Variants in NPEPPS observed in about 807,000 individuals in gnomAD.
The protein encoded by NPEPPS is puromycin-sensitive aminopeptidase.
Under a neutral mutation model 115.5 loss-of-function variants are expected in NPEPPS, and 14 were observed. The ratio of observed to expected loss-of-function variants is 0.12; its 90% CI spans 0.08 to 0.19. The LOEUF is 0.19. NPEPPS is among the 10% of genes least tolerant of loss of function. NPEPPS has a pLI of 1.00. For missense variants in NPEPPS, 523 were observed against 1,110.8 expected (o/e 0.47, Z 7.52); for synonymous variants, 285 against 390.6 (o/e 0.73, Z 3.19).
intron 12 of NPEPPS, 197 bp downstream of exon 12, chr17:47,592,742 TTTTTC>T (rs1912586849): frequency 1.9e-6 from 1 of 513,408 alleles, no homozygotes; most frequent in African/African-American, 1.9e-5. Flanking sequence ...AATCTGAAAC[TTTTTC>T]TTTCCTTTCT....
At position 47,569,355 on chromosome 17, in the gene NPEPPS, A is replaced by G. The variant is rs945344907; in HGVS notation, c.341-62A>G. 6.3e-5 allele frequency: 65 copies of G among 1,027,488 alleles called. No individual in the cohort carries two copies. The African/African-American group carries it at 9.6e-4, about 15-fold the overall frequency. The allele number at this position is 1,027,488 out of a possible 1,614,324, so 63.6% of individuals were successfully genotyped here. On this transcript the variant is annotated intron_variant, in intron 2 of 22. Transcript: ENST00000322157. Reference sequence around the variant, plus strand: ...GAGATTTTGCTCTTGAAAATGTTGCAGTCTTGATTTCGTCTTGTCAGTCCA... The same window carrying G: ...GAGATTTTGCTCTTGAAAATGTTGCGGTCTTGATTTCGTCTTGTCAGTCCA...
At chr17:47,558,124 T>C (rs1423755016) in intron 2 of NPEPPS, among the ~76,000 whole-genome samples, 3 of 151,952 alleles carry the variant, frequency 2.0e-5, no homozygotes, top group Non-Finnish European at 4.4e-5. Flanking sequence ...TATTAATTAA[T>C]TAATTTTTAT....
At chr17:47,544,236 C>G (rs1415017079) in intron 1 of NPEPPS, among the ~76,000 whole-genome samples, 2 of 152,028 alleles carry the variant, frequency 1.3e-5, no homozygotes, top group African/African-American at 4.8e-5. Flanking sequence ...TCTCTACTCT[C>G]TATGTCAGCC....
intron 2 of NPEPPS, among the ~76,000 whole-genome samples, chr17:47,553,541 A>G (rs550219074): frequency 6.6e-6 from 1 of 152,290 alleles, no homozygotes; most frequent in Admixed American, 6.5e-5. Flanking sequence ...CTCCTTATCT[A>G]TGGCAGATGT....
intron 15 of NPEPPS, 178 bp from the exon 16 acceptor site, chr17:47,603,737 T>A: frequency 2.1e-6 from 1 of 467,930 alleles, no homozygotes; most frequent in Non-Finnish European, 3.7e-6. Context: ...TTTTCTTTTG[T>A]CTGTGCATTC....
intron 3 of NPEPPS, among the ~76,000 whole-genome samples, chr17:47,575,667 C>T (rs576379342): frequency 1.4e-4 from 21 of 151,008 alleles, no homozygotes; most frequent in South Asian, 2.1e-4. Flanking sequence ...TGCAGTGGCG[C>T]GATCTCAGCT....
chr17:47,619,564 A>AT (rs1436159210), intron 21 of NPEPPS, 173 bp from the exon 22 acceptor site: 1 of 624,102 alleles, frequency 1.6e-6, no homozygotes, highest in Non-Finnish European at 2.8e-6. Flanking sequence ...CAAAAAAAAA[A>AT]AAGTTTCCTT....
At chr17:47,614,054 T>C (rs1346694100) in intron 19 of NPEPPS, among the ~76,000 whole-genome samples, 1 of 151,902 alleles carries the variant, frequency 6.6e-6, no homozygotes, top group African/African-American at 2.4e-5. Context: ...CACTGCAGCA[T>C]CAACCTCCCA....
rs753721946 is a variant in NPEPPS at position 47,605,375 on chromosome 17, A to G, written c.1918A>G (p.Met640Val). The change falls in exon 17 of 23, where the codon ATG (methionine) becomes GTG (valine). Residue 640 changes from methionine (M) to valine (V), a missense_variant. Physicochemically the swap from Met to Val is conservative, Grantham distance 21. Around this residue, in one of 4 missense-constraint regions of NPEPPS, gnomAD observed 372 missense variants for 542.6 expected, o/e 0.69. Coordinates refer to ENST00000322157, the MANE Select transcript of NPEPPS (RefSeq NM_006310.4). Reference protein sequence around the residue: ...IISTVEVLKVMEAFVNEPNYT... With the variant: ...IISTVEVLKVVEAFVNEPNYT... ...TAGCACTGTAGAGGTTCTAAAAGTC[A>G]TGGAGGCTTTTGTGAATGAGCCCAA... 2 of 1,611,548 alleles carry G rather than the reference A, an allele frequency of 1.2e-6. No homozygotes were observed. Among genetic ancestry groups the G allele is most frequent in the Non-Finnish European group, 1.7e-6 (2 of 1,178,870 alleles).
chr17:47,538,526 C>CTTTTT (rs1029993473), intron 1 of NPEPPS, among the ~76,000 whole-genome samples: 16 of 104,400 alleles, frequency 1.5e-4, no homozygotes, highest in African/African-American at 2.3e-4. Context: ...TATCTGTTTT[C>CTTTTT]TTTTTTTTTT....
At position 47,569,501 on chromosome 17, in the gene NPEPPS, G is replaced by A. The variant is rs1304263156; in HGVS notation, c.418+7G>A. ...CCTAGTACTCTGCAAACAGGTAAGAGACATAGCTTTTGTAAAATCTCGTGA... is the reference window on the plus strand; with the variant it reads ...CCTAGTACTCTGCAAACAGGTAAGAAACATAGCTTTTGTAAAATCTCGTGA... On this transcript the variant is annotated splice_region_variant and intron_variant, in intron 3 of 22. Transcript: ENST00000322157. 1 of 1,257,140 alleles carries A rather than the reference G, an allele frequency of 8.0e-7. No homozygotes were observed. The allele number at this position is 1,257,140 out of a possible 1,614,324, so 77.9% of individuals were successfully genotyped here.
chr17:47,535,534 A>G (rs1403616862), intron 1 of NPEPPS, among the ~76,000 whole-genome samples: 1 of 138,800 alleles, frequency 7.2e-6, no homozygotes, highest in Non-Finnish European at 1.5e-5. Flanking sequence ...TGGGTGACAG[A>G]GCGAGGCTCC....
At chr17:47,603,243 C>A (rs138748282) in intron 15 of NPEPPS, among the ~76,000 whole-genome samples, 6,722 of 152,110 alleles carry the variant, frequency 0.044, 216 homozygotes, top group Middle Eastern at 0.16. Context: ...GAAACCCTGT[C>A]TCTCCTAAAA....
intron 12 of NPEPPS, chr17:47,592,816 C>G (rs1912593590): frequency 9.1e-6 from 3 of 328,864 alleles, no homozygotes; most frequent in Non-Finnish European, 1.8e-5. Context: ...TTTGTTACGT[C>G]AGTATACATG....
chr17:47,579,678 G>A (rs1407003469), intron 4 of NPEPPS, 167 bp downstream of exon 4: 16 of 517,182 alleles, frequency 3.1e-5, no homozygotes, highest in South Asian at 2.8e-4. Flanking sequence ...TCTATAGAAA[G>A]GAGGGAATTA....
intron 2 of NPEPPS, among the ~76,000 whole-genome samples, chr17:47,549,246 G>A (rs1909457579): frequency 6.6e-6 from 1 of 151,826 alleles, no homozygotes. Flanking sequence ...GGGAGGCTGA[G>A]GCAGAGAATT....
chr17:47,536,704 CTTTTTTTTTTT>C (rs572115219), intron 1 of NPEPPS, among the ~76,000 whole-genome samples: 257 of 76,842 alleles, frequency 3.3e-3, no homozygotes, highest in African/African-American at 0.014. Flanking sequence ...TGCCTGGCTT[CTTTTTTTTTTT>C]TTTTTTTTTT....
intron 17 of NPEPPS, 147 bp downstream of exon 17, chr17:47,605,699 C>A: frequency 1.6e-6 from 1 of 626,104 alleles, no homozygotes. Flanking sequence ...TCTTTTAAGT[C>A]TGCTGGTGAA....
rs71365075 is a variant in NPEPPS, at chr17:47,561,346, CA to C, written c.341-8048del. ...TAGGCAATGCAGTGAGACCCTGTCT[CA>C]AAAAAAAAAAAAAAAAAAAAAAGAT... On this transcript the variant is annotated intron_variant, in intron 2 of 22. Coordinates refer to ENST00000322157, the MANE Select transcript of NPEPPS (RefSeq NM_006310.4). Among the ~76,000 whole-genome samples the C allele has an allele frequency of 8.4e-3, 508 of 60,752 alleles. 2 individuals carry two copies. Among genetic ancestry groups the C allele is most frequent in the African/African-American group, 0.023 (330 of 14,126 alleles). The allele number at this position is 60,752 out of a possible 152,430, so 39.9% of individuals were successfully genotyped here.
Sources: gnomAD v4.1 joint callset for allele counts (sites outside exome capture counted in the v4.1 genomes callset) on GRCh38, gnomAD v4.1.1 for gene constraint, gnomAD v4.1.1 regional missense constraint, MANE v1.5 for transcripts, NCBI Gene and HGNC (gene_info 2026-07-23, HGNC 2026-07-21) for gene names.